BYSL: variants seen among roughly 807,000 people sequenced by gnomAD.
BYSL encodes the protein bystin.
In BYSL, 21 loss-of-function variants were observed where a neutral mutation model predicts 45.4. That is an observed-to-expected ratio of 0.46 (90% CI 0.33 to 0.67). BYSL has a LOEUF of 0.67. Among genes scored for constraint, BYSL ranks in the 30% least tolerant of loss-of-function variants. The probability of loss-of-function intolerance (pLI) is 0.02; values close to 1 mark genes in which losing one functional copy is unlikely to be tolerated. For missense variants in BYSL, 522 were observed against 578.5 expected, an observed-to-expected ratio of 0.90 and a Z score of 1.00; for synonymous variants, 215 against 231.3, an observed-to-expected ratio of 0.93 and a Z score of 0.64.
At chr6:41,911,991 T>C in the BYSL span, among the ~76,000 whole-genome samples, 1 of 152,094 alleles carries the variant, frequency 6.6e-6, no homozygotes, top group Non-Finnish European at 1.5e-5. Flanking sequence ...AAGGGGTGTG[T>C]GTGTGCGCTT....
At chr6:41,909,120 G>A in the BYSL span, 1 of 1,062,098 alleles carries the variant, frequency 9.4e-7, no homozygotes, top group African/African-American at 1.6e-5. Flanking sequence ...GCTACAGTGT[G>A]CCAAGATTGT....
upstream of BYSL, chr6:41,921,345 A>C: frequency 4.7e-6 from 3 of 638,754 alleles, no homozygotes; most frequent in South Asian, 6.3e-5. Context: ...AGAGAAGCTA[A>C]CGTTAAAGGC....
chr6:41,919,354 C>G (rs1319536808), upstream of BYSL, among the ~76,000 whole-genome samples: 1 of 152,090 alleles, frequency 6.6e-6, no homozygotes, highest in Middle Eastern at 3.2e-3. Flanking sequence ...AACAATAGTA[C>G]AAGCAGTACT....
At chr6:41,927,564 T>A in intron 2 of BYSL, 28 bp downstream of exon 2, 2 of 1,608,282 alleles carry the variant, frequency 1.2e-6, no homozygotes, top group Non-Finnish European at 1.7e-6. Context: ...GGATAATGAG[T>A]CCTTGTAGAA....
chr6:41,908,776 G>GC, the BYSL span, among the ~76,000 whole-genome samples: 1 of 152,122 alleles, frequency 6.6e-6, no homozygotes, highest in African/African-American at 2.4e-5. Context: ...CTTCCTACTT[G>GC]CCAGCTGTGT....
At chr6:41,917,979 T>C (rs1000067246), upstream of BYSL, 3 of 270,792 alleles carry the variant, frequency 1.1e-5, no homozygotes, top group African/African-American at 6.8e-5. Flanking sequence ...GAGGCAACAG[T>C]ATTCACGAAA....
Position 41,930,192 on chromosome 6 carries a change from A to C in BYSL, c.492A>C (p.Thr164=), listed in dbSNP as rs1490135403. The part of the protein sequence containing the change: ...KLTEKQTEVE[T]VMSEVSGFPM... ...CTGAGAAGCAGACAGAGGTTGAGAC[A>C]GTCATGTCAGAGGTGTCGGGCTTCC... is the stretch of plus-strand genomic sequence containing the variant. The change falls in exon 3 of 7, where the codon ACA becomes ACC. Residue 164 remains threonine (T), a synonymous_variant. Transcript: ENST00000230340. The C allele has an allele frequency of 1.2e-6, 2 of 1,614,194 alleles. No homozygotes were observed. The highest frequency in any genetic ancestry group is 1.7e-6 in the Non-Finnish European group (2 of 1,180,028).
Position 41,931,843 on chromosome 6 carries a change from G to T in BYSL, c.968+13G>T. Reference sequence around the variant, plus strand: ...TGTTGCACTCCAGGTAGTATTGCTGGGGGTGGAAGGGGGCTGGTCAGTGGA... The same window carrying T: ...TGTTGCACTCCAGGTAGTATTGCTGTGGGTGGAAGGGGGCTGGTCAGTGGA... On this transcript the variant is annotated intron_variant, in intron 6 of 6. Coordinates refer to ENST00000230340, the MANE Select transcript of BYSL (RefSeq NM_004053.4). The T allele has an allele frequency of 1.2e-6, 2 of 1,604,052 alleles. No individual in the cohort carries two copies. The highest frequency in any genetic ancestry group is 1.7e-6 in the Non-Finnish European group (2 of 1,170,934).
upstream of BYSL, chr6:41,921,093 C>T (rs1582068041): frequency 3.2e-6 from 5 of 1,581,142 alleles, no homozygotes; most frequent in East Asian, 1.2e-4. Flanking sequence ...GAAACTCCTT[C>T]AGTTCCCCAA....
the BYSL span, among the ~76,000 whole-genome samples, chr6:41,910,055 A>T: frequency 2.0e-5 from 3 of 152,296 alleles, no homozygotes; most frequent in Non-Finnish European, 2.9e-5. Flanking sequence ...AGGGAAAGGT[A>T]GATGGGATCC....
intron 5 of BYSL, 78 bp from the exon 6 acceptor site, chr6:41,931,650 G>T: frequency 6.2e-7 from 1 of 1,607,408 alleles, no homozygotes; most frequent in Non-Finnish European, 8.5e-7. Flanking sequence ...CTGTCCCTGG[G>T]CTGGGTGGGA....
chr6:41,920,773 A>AC, upstream of BYSL: 2 of 477,680 alleles, frequency 4.2e-6, no homozygotes, highest in South Asian at 7.3e-5. Flanking sequence ...CCGTCTTAAA[A>AC]AAAACAAAAC....
Position 41,921,657 on chromosome 6 carries a change from G to C in BYSL, c.95G>C (p.Gly32Ala). Reference protein sequence around the residue: ...QILAGNAVRAGVREKRRGRGT... With the variant: ...QILAGNAVRAAVREKRRGRGT... ...CTGGCTGGGAATGCGGTGCGGGCGG[G>C]GGTCCGGGAGAAGCGGCGGGGTCGC... The change falls in exon 1 of 7, where the codon GGG becomes GCG. Residue 32 changes from glycine to alanine, a missense_variant. Physicochemically the swap from Gly to Ala is moderately conservative, Grantham distance 60. Transcript: ENST00000230340. 1 of 1,613,624 alleles carries C rather than the reference G, an allele frequency of 6.2e-7. No homozygotes were observed. Among genetic ancestry groups the C allele is most frequent in the South Asian group, 1.1e-5 (1 of 91,054 alleles).
the BYSL span, among the ~76,000 whole-genome samples, chr6:41,912,353 T>A: frequency 1.1e-4 from 1 of 8,994 alleles, no homozygotes; most frequent in Non-Finnish European, 1.9e-4. Context: ...ACCATAGTAC[T>A]TTTTTTTTTT....
chr6:41,929,758 TA>T (rs1440465365), intron 2 of BYSL, among the ~76,000 whole-genome samples: 1 of 152,194 alleles, frequency 6.6e-6, no homozygotes, highest in Non-Finnish European at 1.5e-5. Context: ...TGGGTACCGT[TA>T]TTATCCCTAT....
At chr6:41,931,898 G>A (rs1775646833) in intron 6 of BYSL, 68 bp downstream of exon 6, 1 of 1,446,132 alleles carries the variant, frequency 6.9e-7, no homozygotes, top group East Asian at 2.3e-5. Context: ...CCAGGACTTG[G>A]GAATGGGCAG....
At chr6:41,912,240 C>T in the BYSL span, among the ~76,000 whole-genome samples, 1 of 144,670 alleles carries the variant, frequency 6.9e-6, no homozygotes, top group Non-Finnish European at 1.5e-5. Flanking sequence ...GAGGTCTTAC[C>T]ATCTTGCCTA....
chr6:41,931,540 T>C lies in BYSL; in HGVS notation c.849T>C (p.Pro283=). 6.2e-7 allele frequency: 1 copy of C among 1,614,158 alleles called. No individual in the cohort carries two copies. Among genetic ancestry groups the C allele is most frequent in the Non-Finnish European group, 8.5e-7 (1 of 1,180,040 alleles). Reference sequence around the variant, plus strand: ...CTCTCAAGAAGGCCCTTTTCAAACCTGGAGCCTGGTTCAAAGGTGGGATCC... The same window carrying C: ...CTCTCAAGAAGGCCCTTTTCAAACCCGGAGCCTGGTTCAAAGGTGGGATCC... ...YMALKKALFK[P]GAWFKGILIP... Residue 283 remains proline, a synonymous_variant, in exon 5 of 7, where the codon CCT becomes CCC. Coordinates refer to ENST00000230340, the MANE Select transcript of BYSL (RefSeq NM_004053.4).
chr6:41,921,007 A>C (rs1405759404), upstream of BYSL: 4 of 1,612,896 alleles, frequency 2.5e-6, no homozygotes, highest in Non-Finnish European at 3.4e-6. Flanking sequence ...AGTCCTACCA[A>C]GTCACTCCCA....
Sources: gnomAD v4.1 joint callset for allele counts (sites outside exome capture counted in the v4.1 genomes callset) on GRCh38, gnomAD v4.1.1 for gene constraint, MANE v1.5 for transcripts, NCBI Gene and HGNC (gene_info 2026-07-23, HGNC 2026-07-21) for gene names.